The following HECW1 variants were observed in gnomAD, a reference collection of about 807,000 sequenced individuals.
The protein encoded by HECW1 is HECT, C2 and WW domain containing E3 ubiquitin protein ligase 1.
A neutral mutation model predicts 182.3 loss-of-function variants in HECW1; 61 were observed. The observed-to-expected ratio is 0.33, with a 90% confidence interval of 0.27 to 0.41. The LOEUF (loss-of-function observed/expected upper bound fraction) is 0.41, where lower values mean the gene tolerates loss of function less well. Ranked by LOEUF, HECW1 falls within the 10% of genes least tolerant of loss-of-function variation. The pLI, the probability that HECW1 is intolerant of heterozygous loss-of-function variation, is 1.00. For missense variants in HECW1, 1,739 were observed against 2,108.9 expected (o/e 0.82, Z 3.44); for synonymous variants, 859 against 832.6 (o/e 1.03, Z -0.55).
chr7:43,558,615 A>C (rs1228530440), intron 29 of HECW1, among the ~76,000 whole-genome samples: 1 of 152,170 alleles, frequency 6.6e-6, no homozygotes, highest in East Asian at 1.9e-4. Flanking sequence ...CTCACAATGC[A>C]CAAAACAGCT....
chr7:43,320,154 T>G (rs1297034179), intron 4 of HECW1, among the ~76,000 whole-genome samples: 1 of 152,084 alleles, frequency 6.6e-6, no homozygotes, highest in Admixed American at 6.5e-5. Flanking sequence ...TGCGACCATG[T>G]ATAGGATGGT....
chr7:43,563,867 T>TA lies in HECW1; in HGVS notation c.*1951dup, dbSNP rs11352876. ...CTGGATGATCAAGGGAGACACCATC[T>TA]AAAAAAAAAATAAATAAAAATAAAA... On this transcript the variant is annotated 3_prime_UTR_variant, in exon 30 of 30. Transcript: ENST00000395891. 160 of 175,582 alleles carry TA rather than the reference T, an allele frequency of 9.1e-4. No homozygotes were observed. The highest frequency in any genetic ancestry group is 2.8e-3 in the East Asian group (28 of 10,146). The allele number at this position is 175,582 out of a possible 1,614,324, so 10.9% of individuals were successfully genotyped here.
chr7:43,484,250 A>G (rs1207554787), intron 17 of HECW1: 1 of 152,298 alleles, frequency 6.6e-6, no homozygotes, highest in Non-Finnish European at 1.5e-5. Flanking sequence ...CGCATAACTA[A>G]GAGACCCATT....
chr7:43,283,588 A>G (rs1241483083), intron 3 of HECW1, among the ~76,000 whole-genome samples: 1 of 152,248 alleles, frequency 6.6e-6, no homozygotes, highest in Non-Finnish European at 1.5e-5. Flanking sequence ...AAGCCACATA[A>G]ATAAAAGTTC....
intron 3 of HECW1, among the ~76,000 whole-genome samples, chr7:43,304,740 C>G (rs1410011414): frequency 6.6e-6 from 1 of 152,134 alleles, no homozygotes; most frequent in Non-Finnish European, 1.5e-5. Flanking sequence ...GTGATATGCC[C>G]GCCTTGGCCT....
At chr7:43,127,523 C>CAAAAAAAAAAA (rs71562078) in intron 2 of HECW1, among the ~76,000 whole-genome samples, 1 of 57,280 alleles carries the variant, frequency 1.7e-5, no homozygotes, top group African/African-American at 6.9e-5. Context: ...AACTCCATCT[C>CAAAAAAAAAAA]AAAAAAAAAA....
chr7:43,540,088 T>C (rs2081310805), intron 24 of HECW1, among the ~76,000 whole-genome samples: 1 of 152,204 alleles, frequency 6.6e-6, no homozygotes, highest in South Asian at 2.1e-4. Flanking sequence ...ACTTCAAACA[T>C]ACCAATTTGA....
chr7:43,251,761 A>T (rs1425877499), intron 3 of HECW1, among the ~76,000 whole-genome samples: 2 of 152,004 alleles, frequency 1.3e-5, no homozygotes, highest in East Asian at 3.9e-4. Context: ...ATACAATTCC[A>T]CCCACAAAGT....
At chr7:43,348,551 G>A (rs995697089) in intron 5 of HECW1, among the ~76,000 whole-genome samples, 77 of 151,224 alleles carry the variant, frequency 5.1e-4, no homozygotes, top group African/African-American at 1.8e-3. Flanking sequence ...CCTTTCTTCT[G>A]CTGGGTTTGG....
chr7:43,377,492 A>G (rs967208818), intron 6 of HECW1, among the ~76,000 whole-genome samples: 2 of 151,952 alleles, frequency 1.3e-5, no homozygotes, highest in Non-Finnish European at 2.9e-5. Flanking sequence ...AACCATCTAA[A>G]CTAGGTGAAA....
intron 2 of HECW1, among the ~76,000 whole-genome samples, chr7:43,187,961 G>A (rs1469320609): frequency 6.6e-6 from 1 of 152,206 alleles, no homozygotes; most frequent in Admixed American, 6.5e-5. Context: ...TGTCCCATCA[G>A]TGGACTCCGT....
At chr7:43,213,083 T>G (rs1433260712) in intron 2 of HECW1, among the ~76,000 whole-genome samples, 1 of 152,176 alleles carries the variant, frequency 6.6e-6, no homozygotes, top group African/African-American at 2.4e-5. Flanking sequence ...AGTTAATCTA[T>G]GTATTTCTCG....
chr7:43,398,628 A>T (rs1007375843), intron 7 of HECW1, among the ~76,000 whole-genome samples: 3 of 152,078 alleles, frequency 2.0e-5, no homozygotes, highest in Admixed American at 1.3e-4. Flanking sequence ...AAAAAAAAAG[A>T]AGAAAAAACT....
intron 2 of HECW1, among the ~76,000 whole-genome samples, chr7:43,164,134 A>G (rs971808637): frequency 1.3e-5 from 2 of 152,126 alleles, no homozygotes; most frequent in Admixed American, 1.3e-4. Flanking sequence ...GTCAAAGAGC[A>G]GCTAAGGACC....
At chr7:43,157,252 ACT>A (rs1243169331) in intron 2 of HECW1, among the ~76,000 whole-genome samples, 2 of 152,232 alleles carry the variant, frequency 1.3e-5, no homozygotes, top group African/African-American at 4.8e-5. Flanking sequence ...TCTTTAGGAA[ACT>A]CCAGAGTTTT....
intron 2 of HECW1, among the ~76,000 whole-genome samples, chr7:43,204,181 T>C (rs775709479): frequency 6.6e-6 from 1 of 152,240 alleles, no homozygotes; most frequent in Non-Finnish European, 1.5e-5. Flanking sequence ...GCAGCTAATT[T>C]TGTTGCTCCA....
chr7:43,236,558 A>T (rs1310854795), intron 2 of HECW1, among the ~76,000 whole-genome samples: 1 of 152,238 alleles, frequency 6.6e-6, no homozygotes, highest in Non-Finnish European at 1.5e-5. Flanking sequence ...AACTTGAAGC[A>T]GGAACTTCCA....
chr7:43,120,910 C>T (rs1785538788), intron 2 of HECW1, among the ~76,000 whole-genome samples: 1 of 151,978 alleles, frequency 6.6e-6, no homozygotes, highest in Non-Finnish European at 1.5e-5. Flanking sequence ...ATCTGTAATC[C>T]CAAAGTGCTG....
chr7:43,561,942 C>T lies in HECW1; in HGVS notation c.*16C>T. ...ACTTGAGTGAGGACATGGAACCTCG[C>T]CTGACATTTTCCTGGCCAGTGACAT... is the stretch of plus-strand genomic sequence containing the variant. On this transcript the variant is annotated 3_prime_UTR_variant, in exon 30 of 30. Transcript: ENST00000395891. 6.7e-7 allele frequency: 1 copy of T among 1,482,146 alleles called. No individual in the cohort carries two copies. The highest frequency in any genetic ancestry group is 9.4e-7 in the Non-Finnish European group (1 of 1,060,000). The allele number at this position is 1,482,146 out of a possible 1,614,324, so 91.8% of individuals were successfully genotyped here.
Sources: gnomAD v4.1 joint callset for allele counts (sites outside exome capture counted in the v4.1 genomes callset) on GRCh38, gnomAD v4.1.1 for gene constraint, MANE v1.5 for transcripts, NCBI Gene and HGNC (gene_info 2026-07-23, HGNC 2026-07-21) for gene names.